Variants in UBL3 observed in about 807,000 individuals in gnomAD.
UBL3 encodes the protein ubiquitin-like protein 3.
Under a neutral mutation model 18.4 loss-of-function variants are expected in UBL3, and 6 were observed. That is an observed-to-expected ratio of 0.33 (90% CI 0.18 to 0.64). UBL3 has a LOEUF of 0.64. Ranked by LOEUF, UBL3 falls within the 30% of genes least tolerant of loss-of-function variation. UBL3 has a pLI of 0.76. For missense variants in UBL3, 109 were observed against 142.9 expected, an observed-to-expected ratio of 0.76 and a Z score of 1.21; for synonymous variants, 49 against 46.6, an observed-to-expected ratio of 1.05 and a Z score of -0.21.
chr13:29,838,582 G>A (rs959517782), intron 1 of UBL3, among the ~76,000 whole-genome samples: 1 of 152,070 alleles, frequency 6.6e-6, no homozygotes, highest in African/African-American at 2.4e-5. Context: ...AAAAATTTAT[G>A]ACAGACAAAA....
intron 1 of UBL3, among the ~76,000 whole-genome samples, chr13:29,796,312 T>A (rs1200088581): frequency 1.3e-5 from 2 of 152,172 alleles, no homozygotes; most frequent in East Asian, 1.9e-4. Flanking sequence ...GTTTTTAAAG[T>A]TACCTTTAAG....
chr13:29,817,135 A>AATTT (rs1316366251), intron 1 of UBL3, among the ~76,000 whole-genome samples: 1 of 152,166 alleles, frequency 6.6e-6, no homozygotes, highest in Non-Finnish European at 1.5e-5. Flanking sequence ...TCAATCTTTA[A>AATTT]AGTCACTTTA....
intron 1 of UBL3, among the ~76,000 whole-genome samples, chr13:29,842,520 C>G (rs1879132299): frequency 1.3e-5 from 2 of 152,150 alleles, no homozygotes; most frequent in African/African-American, 4.8e-5. Flanking sequence ...AGCTGCAAAA[C>G]AGTCAACCTA....
At chr13:29,846,203 TATA>T (rs1879224947) in intron 1 of UBL3, among the ~76,000 whole-genome samples, 1 of 152,136 alleles carries the variant, frequency 6.6e-6, no homozygotes, top group Non-Finnish European at 1.5e-5. Context: ...TACAATATAT[TATA>T]ATGATATTCT....
chr13:29,842,194 T>C (rs1593678741), intron 1 of UBL3, among the ~76,000 whole-genome samples: 1 of 143,850 alleles, frequency 7.0e-6, no homozygotes, highest in East Asian at 2.2e-4. Flanking sequence ...CAGGCTGGAG[T>C]GCAGTGGCGC....
chr13:29,841,699 G>A (rs973156573), intron 1 of UBL3, among the ~76,000 whole-genome samples: 4 of 152,166 alleles, frequency 2.6e-5, no homozygotes, highest in Non-Finnish European at 4.4e-5. Flanking sequence ...CTCAGTTACC[G>A]TTGTGGGGAG....
intron 1 of UBL3, among the ~76,000 whole-genome samples, chr13:29,780,830 G>C (rs922821134): frequency 1.4e-4 from 21 of 152,016 alleles, no homozygotes; most frequent in Admixed American, 1.2e-3. Context: ...CAGCAACTTG[G>C]TTTCTTGCCT....
At chr13:29,772,223 T>TCCA in intron 2 of UBL3, 25 bp from the exon 3 acceptor site, 1 of 1,583,122 alleles carries the variant, frequency 6.3e-7, no homozygotes, top group Non-Finnish European at 8.6e-7. Flanking sequence ...GTGTACTGGT[T>TCCA]AGGTATATTC....
chr13:29,805,243 T>C (rs1877870873), intron 1 of UBL3, among the ~76,000 whole-genome samples: 1 of 152,250 alleles, frequency 6.6e-6, no homozygotes, highest in Non-Finnish European at 1.5e-5. Context: ...TTTATCACAA[T>C]GGATGGATTA....
chr13:29,835,144 ATATAT>A (rs1878917391), intron 1 of UBL3, among the ~76,000 whole-genome samples: 3 of 15,034 alleles, frequency 2.0e-4, no homozygotes, highest in Non-Finnish European at 3.6e-4. Context: ...ATATATATAT[ATATAT>A]ATATATATAT....
At chr13:29,779,912 C>A (rs1224432391) in intron 1 of UBL3, among the ~76,000 whole-genome samples, 3 of 152,136 alleles carry the variant, frequency 2.0e-5, no homozygotes, top group Non-Finnish European at 4.4e-5. Flanking sequence ...GTCTGTACCA[C>A]AGCGGCCTTA....
chr13:29,807,157 T>TAGGTA (rs1877918824), intron 1 of UBL3, among the ~76,000 whole-genome samples: 1 of 152,188 alleles, frequency 6.6e-6, no homozygotes, highest in African/African-American at 2.4e-5. Flanking sequence ...AAAGAGAACC[T>TAGGTA]AGGTACCACA....
intron 1 of UBL3, among the ~76,000 whole-genome samples, chr13:29,812,973 T>C (rs1878142862): frequency 6.6e-6 from 1 of 152,062 alleles, no homozygotes; most frequent in Non-Finnish European, 1.5e-5. Flanking sequence ...ATATGTTGTG[T>C]TCTATTTCTA....
intron 1 of UBL3, among the ~76,000 whole-genome samples, chr13:29,815,028 A>G (rs1254801280): frequency 6.6e-6 from 1 of 152,180 alleles, no homozygotes; most frequent in Non-Finnish European, 1.5e-5. Flanking sequence ...TCTATTAAAT[A>G]TATGTTGGGC....
chr13:29,814,427 T>C (rs1878210705), intron 1 of UBL3, among the ~76,000 whole-genome samples: 1 of 151,762 alleles, frequency 6.6e-6, no homozygotes, highest in Non-Finnish European at 1.5e-5. Flanking sequence ...TAAATAATCA[T>C]TTAATATATA....
intron 1 of UBL3, among the ~76,000 whole-genome samples, chr13:29,845,879 T>C (rs1234697572): frequency 6.6e-6 from 1 of 152,116 alleles, no homozygotes; most frequent in Non-Finnish European, 1.5e-5. Flanking sequence ...ACTGTCAATT[T>C]CTCTCTTAAA....
At chr13:29,806,154 G>C (rs1264716542) in intron 1 of UBL3, among the ~76,000 whole-genome samples, 2 of 152,112 alleles carry the variant, frequency 1.3e-5, no homozygotes, top group Non-Finnish European at 2.9e-5. Context: ...TCCAGCCTGG[G>C]TGACAGATCA....
Position 29,765,186 on chromosome 13 carries a change from T to G in UBL3, c.*2069A>C, listed in dbSNP as rs867871377. Reference sequence around the variant, plus strand: ...TAAAAACTCAATCTTAATTAACTGATAGTCTTTAACTTAAAAAAAGAGTAA... The same window carrying G: ...TAAAAACTCAATCTTAATTAACTGAGAGTCTTTAACTTAAAAAAAGAGTAA... On this transcript the variant is annotated 3_prime_UTR_variant, in exon 5 of 5. Coordinates refer to ENST00000380680, the MANE Select transcript of UBL3 (RefSeq NM_007106.4). 1 of 152,196 alleles carries G rather than the reference T, an allele frequency of 6.6e-6. No homozygotes were observed. The highest frequency in any genetic ancestry group is 2.1e-4 in the South Asian group (1 of 4,822). The allele number at this position is 152,196 out of a possible 1,614,324, so 9.4% of individuals were successfully genotyped here. A position where few individuals can be genotyped will look rare whatever the true frequency, so the allele number is the denominator to read the frequency against.
chr13:29,813,916 ATAAAAT>A (rs905247345), intron 1 of UBL3, among the ~76,000 whole-genome samples: 5 of 152,282 alleles, frequency 3.3e-5, no homozygotes, highest in African/African-American at 7.2e-5. Context: ...CACTTTTGAA[ATAAAAT>A]TAAAATCCTC....
Sources: allele counts gnomAD v4.1 joint callset (sites outside exome capture counted in the v4.1 genomes callset), GRCh38; gene constraint gnomAD v4.1.1; transcripts MANE v1.5; gene names NCBI Gene and HGNC (gene_info 2026-07-23, HGNC 2026-07-21).